The following CLEC6A variants were observed in gnomAD, a reference collection of about 807,000 sequenced individuals.
CLEC6A encodes C-type lectin domain containing 6A.
Under a neutral mutation model 25.7 loss-of-function variants are expected in CLEC6A, and 22 were observed. That is an observed-to-expected ratio of 0.85 (90% CI 0.61 to 1.22). The LOEUF (loss-of-function observed/expected upper bound fraction) is 1.22. Among genes scored for constraint, CLEC6A ranks in the 50% most tolerant of loss-of-function variants. CLEC6A has a pLI of 0.00. For missense variants in CLEC6A, 240 were observed against 236.8 expected (o/e 1.01, Z -0.09); for synonymous variants, 92 against 76.7 (o/e 1.20, Z -1.04).
intron 5 of CLEC6A, among the ~76,000 whole-genome samples, chr12:8,476,478 G>A (rs1478546604): frequency 1.3e-5 from 2 of 151,988 alleles, no homozygotes; most frequent in Non-Finnish European, 2.9e-5. Context: ...ATGAGAAACT[G>A]GATGTCAACT....
At chr12:8,469,707 G>A (rs931466977) in intron 4 of CLEC6A, among the ~76,000 whole-genome samples, 39 of 152,240 alleles carry the variant, frequency 2.6e-4, no homozygotes, top group African/African-American at 7.7e-4. Context: ...TCAACAAACC[G>A]TGGTGGGATA....
At chr12:8,471,673 T>G (rs961842769) in intron 4 of CLEC6A, among the ~76,000 whole-genome samples, 1 of 152,140 alleles carries the variant, frequency 6.6e-6, no homozygotes, top group Non-Finnish European at 1.5e-5. Context: ...CTTTCCTTTT[T>G]CTTACTTAGT....
Position 8,456,045 on chromosome 12 carries a change from G to A in CLEC6A, c.-67G>A, listed in dbSNP as rs1939670937. 12 of 1,515,238 alleles carry A rather than the reference G, an allele frequency of 7.9e-6. No individual in the cohort carries two copies. Among genetic ancestry groups the A allele is most frequent in the South Asian group, 1.1e-5 (1 of 88,322 alleles). 93.9% of individuals were successfully genotyped at this position (1,515,238 alleles called of 1,614,324 possible). On this transcript the variant is annotated 5_prime_UTR_variant, in exon 1 of 6. It introduces an in-frame stop codon into an upstream open reading frame of the 5' UTR. Transcript: ENST00000382073. Reference sequence around the variant, plus strand: ...CTTCTTTAAATGAAGCTGAGTCTCTGGGCAACATCTTTAGGGAGAGAGGTA... The same window carrying A: ...CTTCTTTAAATGAAGCTGAGTCTCTAGGCAACATCTTTAGGGAGAGAGGTA...
At chr12:8,472,996 T>TATAAGTGAGAACATGTGG (rs1318851497) in intron 4 of CLEC6A, among the ~76,000 whole-genome samples, 1 of 4,260 alleles carries the variant, frequency 2.3e-4, no homozygotes, top group African/African-American at 3.8e-4. Context: ...TCCTACTTCT[T>TATAAGTGAGAACATGTGG]TTTTTTTTTT....
Position 8,477,497 on chromosome 12 carries a change from A to T in CLEC6A, c.*33A>T. ...CTTAATTGGAAAGAAGAGAAGAATTACTGACGTAATTTTTTCCCTGACGTC... is the reference window on the plus strand; with the variant it reads ...CTTAATTGGAAAGAAGAGAAGAATTTCTGACGTAATTTTTTCCCTGACGTC... On this transcript the variant is annotated 3_prime_UTR_variant, in exon 6 of 6. Coordinates refer to ENST00000382073, the MANE Select transcript of CLEC6A (RefSeq NM_001007033.2). The T allele has an allele frequency of 6.5e-7, 1 of 1,543,972 alleles. No homozygotes were observed. The highest frequency in any genetic ancestry group is 8.7e-7 in the Non-Finnish European group (1 of 1,144,230).
chr12:8,477,194 G>A (rs1241967750), intron 5 of CLEC6A, 126 bp from the exon 6 acceptor site: 2 of 710,292 alleles, frequency 2.8e-6, no homozygotes, highest in South Asian at 2.1e-5. Flanking sequence ...AGTATGAGAA[G>A]AAGGAACAAT....
At chr12:8,465,448 G>A (rs778366834) in intron 3 of CLEC6A, 36 bp from the exon 4 acceptor site, 8 of 1,607,652 alleles carry the variant, frequency 5.0e-6, no homozygotes, top group Non-Finnish European at 6.8e-6. Flanking sequence ...ATCTTATCTT[G>A]CACTCACTCT....
At chr12:8,471,726 C>T (rs955590189) in intron 4 of CLEC6A, among the ~76,000 whole-genome samples, 12 of 152,080 alleles carry the variant, frequency 7.9e-5, no homozygotes, top group African/African-American at 2.2e-4. Flanking sequence ...TAGCTTAGCT[C>T]CCACTTATTA....
In CLEC6A at chr12:8,465,615, A is replaced by G. The variant is rs115283142; in HGVS notation, c.355A>G (p.Thr119Ala). 1.9e-6 allele frequency: 3 copies of G among 1,613,150 alleles called. No homozygotes were observed. The African/African-American group carries it at 4.0e-5, about 21-fold the overall frequency. ...EMGAHLVVFN[T>A]EAEQNFIVQQ... ...GGGAGCACATTTGGTTGTGTTCAAC[A>G]CAGAAGCAGAGCAGGTACTGTTTCC... Residue 119 changes from threonine (T) to alanine (A), a missense_variant, in exon 4 of 6, where the codon ACA becomes GCA. Thr to Ala is a moderately conservative substitution (Grantham distance 58, BLOSUM62 0). Transcript: ENST00000382073.
chr12:8,469,372 C>T (rs967359937), intron 4 of CLEC6A, among the ~76,000 whole-genome samples: 53 of 151,736 alleles, frequency 3.5e-4, no homozygotes, highest in African/African-American at 1.3e-3. Context: ...AAGCAGTCTA[C>T]AAATTCAATG....
chr12:8,472,477 T>A (rs1158877242), intron 4 of CLEC6A, among the ~76,000 whole-genome samples: 1 of 152,146 alleles, frequency 6.6e-6, no homozygotes, highest in African/African-American at 2.4e-5. Context: ...CCAAGAGAGA[T>A]GCTTAGAGAT....
At chr12:8,463,224 A>G (rs1453705214) in intron 3 of CLEC6A, among the ~76,000 whole-genome samples, 1 of 152,172 alleles carries the variant, frequency 6.6e-6, no homozygotes, top group Non-Finnish European at 1.5e-5. Context: ...GAGTGGTATA[A>G]AATGTGTTCT....
chr12:8,466,741 T>C (rs4457829), intron 4 of CLEC6A, among the ~76,000 whole-genome samples: 116,796 of 151,188 alleles, frequency 0.77, 45,587 homozygotes, highest in East Asian at 0.99. Flanking sequence ...CTGCAACATC[T>C]GCCTCCCGGG....
intron 4 of CLEC6A, among the ~76,000 whole-genome samples, chr12:8,468,940 C>G (rs1221469616): frequency 1.3e-5 from 2 of 152,034 alleles, no homozygotes; most frequent in Non-Finnish European, 2.9e-5. Context: ...CTAGCCAGAG[C>G]AATCAGACAA....
chr12:8,465,054 G>C (rs989447342), intron 3 of CLEC6A, among the ~76,000 whole-genome samples: 10 of 152,248 alleles, frequency 6.6e-5, no homozygotes, highest in African/African-American at 2.4e-4. Flanking sequence ...ATTCTAATGA[G>C]GCACAATTCT....
At position 8,458,007 on chromosome 12, in the gene CLEC6A, G is replaced by A. The variant is rs768929098; in HGVS notation, c.121+20G>A. 28 of 1,552,010 alleles carry A rather than the reference G, an allele frequency of 1.8e-5. No individual in the cohort carries two copies. The highest frequency in any genetic ancestry group is 5.6e-5 in the South Asian group (5 of 89,690). On this transcript the variant is annotated intron_variant, in intron 2 of 5. Transcript: ENST00000382073. ...GTGTAGGTAAGTTCTTCACTGAGGT[G>A]CATTTTCCTTGCTTCCTTTCCCTTG... is the stretch of plus-strand genomic sequence containing the variant.
intron 4 of CLEC6A, among the ~76,000 whole-genome samples, chr12:8,475,041 A>G (rs187800999): frequency 4.1e-4 from 62 of 151,848 alleles, no homozygotes; most frequent in African/African-American, 1.3e-3. Flanking sequence ...CTAGCCCCCT[A>G]CCCTACGCAG....
rs746059514 is a variant in CLEC6A, at chr12:8,472,994, C to CTTTTTTTTTTTTTTTT, written c.370-3127_370-3112dup. On this transcript the variant is annotated intron_variant, in intron 4 of 5. Coordinates refer to ENST00000382073, the MANE Select transcript of CLEC6A (RefSeq NM_001007033.2). ...AGTACTCAGTGTTTAGCTCCTACTT[C>CTTTTTTTTTTTTTTTT]TTTTTTTTTTTTTTTTTTTGAGACG... Among the ~76,000 whole-genome samples the CTTTTTTTTTTTTTTTT allele has an allele frequency of 7.0e-3, 25 of 3,580 alleles. 10 individuals carry two copies. The highest frequency in any genetic ancestry group is 9.3e-3 in the Non-Finnish European group (11 of 1,186). 2.3% of individuals were successfully genotyped at this position (3,580 alleles called of 152,430 possible).
In CLEC6A at chr12:8,477,519, C is replaced by T. The variant is rs754098518; in HGVS notation, c.*55C>T. 495 of 1,418,880 alleles carry T rather than the reference C, an allele frequency of 3.5e-4. 3 individuals are homozygous for T. In the African/African-American group the frequency reaches 4.5e-3, roughly 13 times the overall value. 87.9% of individuals were successfully genotyped at this position (1,418,880 alleles called of 1,614,324 possible). Reference sequence around the variant, plus strand: ...ATTACTGACGTAATTTTTTCCCTGACGTCTTTAAAATTGAACCCTATCATG... The same window carrying T: ...ATTACTGACGTAATTTTTTCCCTGATGTCTTTAAAATTGAACCCTATCATG... On this transcript the variant is annotated 3_prime_UTR_variant, in exon 6 of 6. Coordinates refer to ENST00000382073, the MANE Select transcript of CLEC6A (RefSeq NM_001007033.2).
Sources: allele counts gnomAD v4.1 joint callset (sites outside exome capture counted in the v4.1 genomes callset), GRCh38; gene constraint gnomAD v4.1.1; transcripts MANE v1.5; gene names NCBI Gene and HGNC (gene_info 2026-07-23, HGNC 2026-07-21).